Variants in ATF7IP2 observed in about 807,000 individuals in gnomAD.
The protein encoded by ATF7IP2 is activating transcription factor 7 interacting protein 2.
A neutral mutation model predicts 64.2 loss-of-function variants in ATF7IP2; 42 were observed. The ratio of observed to expected loss-of-function variants is 0.65; its 90% CI spans 0.51 to 0.85. The LOEUF (loss-of-function observed/expected upper bound fraction) is 0.85. Among genes scored for constraint, ATF7IP2 ranks in the 40% least tolerant of loss-of-function variants. ATF7IP2 has a pLI of 0.00. For missense variants in ATF7IP2, 933 were observed against 784.2 expected (o/e 1.19, Z -2.27); for synonymous variants, 308 against 272.8 (o/e 1.13, Z -1.27).
At position 10,482,228 on chromosome 16, in the gene ATF7IP2, G is replaced by A. The variant is rs1567184908; in HGVS notation, c.2028G>A (p.Gly676=). The stretch of plus-strand genomic sequence containing the variant: ...TCTGTGATATAAAATCTATCCCTGG[G>A]TTTTCTGAAAATCTTACGTAAAAGG... ...GPFCDIKSIP[G]FSENLT The change falls in exon 14 of 14, where the codon GGG becomes GGA. Residue 676 remains glycine, a synonymous_variant. Coordinates refer to ENST00000562102, the MANE Select transcript of ATF7IP2 (RefSeq NM_001393719.1). The A allele has an allele frequency of 5.1e-6, 8 of 1,583,624 alleles. No homozygotes were observed. Among genetic ancestry groups the A allele is most frequent in the Admixed American group, 1.9e-5 (1 of 51,864 alleles).
At position 10,482,713 on chromosome 16, in the gene ATF7IP2, A is replaced by AAGTT. The variant is rs1246877691; in HGVS notation, c.*466_*469dup. The AAGTT allele has an allele frequency of 6.6e-6, 1 of 152,626 alleles. No homozygotes were observed. The highest frequency in any genetic ancestry group is 2.4e-5 in the African/African-American group (1 of 41,440). 9.5% of individuals were successfully genotyped at this position (152,626 alleles called of 1,614,324 possible). A position where few individuals can be genotyped will look rare whatever the true frequency, so the allele number is the denominator to read the frequency against. On this transcript the variant is annotated 3_prime_UTR_variant, in exon 14 of 14. Coordinates refer to ENST00000562102, the MANE Select transcript of ATF7IP2 (RefSeq NM_001393719.1). ...GATGACATGTTGGGCTGCATGATAA[A>AAGTT]AGTTAATTATAAAAATTAAAAGATT...
intron 1 of ATF7IP2, among the ~76,000 whole-genome samples, chr16:10,409,679 C>G (rs1004140789): frequency 6.6e-6 from 1 of 152,156 alleles, no homozygotes; most frequent in Non-Finnish European, 1.5e-5. Flanking sequence ...CCCGCCTGGG[C>G]CTCCCAAAGT....
chr16:10,453,727 C>T (rs1307479286), intron 8 of ATF7IP2, among the ~76,000 whole-genome samples: 1 of 152,182 alleles, frequency 6.6e-6, no homozygotes, highest in African/African-American at 2.4e-5. Flanking sequence ...AAGCAATTCT[C>T]CTACCTCAGC....
chr16:10,462,878 T>G (rs1196721228), intron 9 of ATF7IP2, among the ~76,000 whole-genome samples: 1 of 152,240 alleles, frequency 6.6e-6, no homozygotes, highest in East Asian at 1.9e-4. Context: ...TACTTTTGTC[T>G]GGATATTTTC....
intron 9 of ATF7IP2, 153 bp from the exon 10 acceptor site, chr16:10,471,957 G>T (rs1486093123): frequency 5.3e-5 from 23 of 433,648 alleles, no homozygotes; most frequent in Non-Finnish European, 9.0e-5. Context: ...AGTTTTTTTG[G>T]GTATTTGGTT....
At chr16:10,402,175 G>T (rs912527205) in intron 1 of ATF7IP2, among the ~76,000 whole-genome samples, 6 of 152,054 alleles carry the variant, frequency 3.9e-5, no homozygotes, top group Admixed American at 6.5e-5. Flanking sequence ...TACAATGTAA[G>T]ATTTTTAATT....
At chr16:10,472,497 GTTTGTTT>G (rs1384938833) in intron 10 of ATF7IP2, among the ~76,000 whole-genome samples, 2 of 151,856 alleles carry the variant, frequency 1.3e-5, no homozygotes, top group African/African-American at 4.8e-5. Context: ...GGTAGTGACG[GTTTGTTT>G]TTTGTCTTCT....
At chr16:10,433,721 C>T (rs2048329369) in intron 6 of ATF7IP2, 72 bp downstream of exon 6, 2 of 1,530,366 alleles carry the variant, frequency 1.3e-6, no homozygotes, top group Non-Finnish European at 9.0e-7. Flanking sequence ...ATTATCTGGT[C>T]CCCACAGTGG....
chr16:10,437,549 C>T (rs2048463689), intron 6 of ATF7IP2, among the ~76,000 whole-genome samples: 1 of 152,166 alleles, frequency 6.6e-6, no homozygotes, highest in South Asian at 2.1e-4. Flanking sequence ...ACTTGTTCAA[C>T]ATTTATTATA....
At position 10,430,767 on chromosome 16, in the gene ATF7IP2, T is replaced by A; in HGVS notation, c.147T>A (p.Gly49=). 1 of 1,610,182 alleles carries A rather than the reference T, an allele frequency of 6.2e-7. No individual in the cohort carries two copies. Among genetic ancestry groups the A allele is most frequent in the South Asian group, 1.1e-5 (1 of 90,746 alleles). The change falls in exon 5 of 14, where the codon GGT becomes GGA. Residue 49 remains glycine (G), a synonymous_variant. Transcript: ENST00000562102. ...CAATTGGGAGTAATGTTCCAAGCGG[T>A]AATCAGAGTTTCAGTCCTAGTGTCA... is the stretch of plus-strand genomic sequence containing the variant. ...KTAIGSNVPS[G]NQSFSPSVIT...
intron 2 of ATF7IP2, among the ~76,000 whole-genome samples, chr16:10,416,752 A>C (rs947807112): frequency 2.0e-5 from 3 of 152,162 alleles, no homozygotes; most frequent in African/African-American, 7.2e-5. Context: ...AGCCAAGATC[A>C]CACCACTGCA....
At chr16:10,469,149 A>G (rs117745767) in intron 9 of ATF7IP2, among the ~76,000 whole-genome samples, 55 of 152,282 alleles carry the variant, frequency 3.6e-4, no homozygotes, top group Non-Finnish European at 6.3e-4. Context: ...AATATGACCT[A>G]TCAACAAGGA....
intron 12 of ATF7IP2, among the ~76,000 whole-genome samples, chr16:10,480,220 C>T (rs1174554832): frequency 6.6e-6 from 1 of 151,892 alleles, no homozygotes; most frequent in African/African-American, 2.4e-5. Context: ...CTCCTGACCT[C>T]AAGTCATCTG....
chr16:10,405,095 G>A (rs1412346270), intron 1 of ATF7IP2, among the ~76,000 whole-genome samples: 4 of 152,078 alleles, frequency 2.6e-5, no homozygotes, highest in Non-Finnish European at 5.9e-5. Flanking sequence ...GGGTGCCGTG[G>A]CTCATGCCTG....
At position 10,461,654 on chromosome 16, in the gene ATF7IP2, G is replaced by A. The variant is rs2049379027; in HGVS notation, c.1352+4125G>A. ...CCATAAAACAAAGTGCATGATTCAG[G>A]GATTCTAAGCTGGATAGTAAATCTA... On this transcript the variant is annotated intron_variant, in intron 9 of 13. Coordinates refer to ENST00000562102, the MANE Select transcript of ATF7IP2 (RefSeq NM_001393719.1). Among the ~76,000 whole-genome samples, 3 of 151,984 alleles carry A rather than the reference G, an allele frequency of 2.0e-5. No homozygotes were observed. The South Asian group carries it at 6.2e-4, about 31-fold the overall frequency.
At chr16:10,390,844 A>G (rs2047307280) in intron 1 of ATF7IP2, among the ~76,000 whole-genome samples, 1 of 152,192 alleles carries the variant, frequency 6.6e-6, no homozygotes, top group African/African-American at 2.4e-5. Context: ...AAGCTGCAAC[A>G]AGAACAGCAA....
chr16:10,482,366 G>C lies in ATF7IP2; in HGVS notation c.*117G>C. On this transcript the variant is annotated 3_prime_UTR_variant, in exon 14 of 14. Transcript: ENST00000562102. ...TCAGATTGTGAGCCCTTTCTATTGGGACAGTCCTCTTCTATATGTTTTAAG... is the reference window on the plus strand; with the variant it reads ...TCAGATTGTGAGCCCTTTCTATTGGCACAGTCCTCTTCTATATGTTTTAAG... 1 of 729,600 alleles carries C rather than the reference G, an allele frequency of 1.4e-6. No homozygotes were observed. The highest frequency in any genetic ancestry group is 1.9e-5 in the South Asian group (1 of 51,924). The allele number at this position is 729,600 out of a possible 1,614,324, so 45.2% of individuals were successfully genotyped here. A position where few individuals can be genotyped will look rare whatever the true frequency, so the allele number is the denominator to read the frequency against.
chr16:10,398,290 C>T (rs1424134427), intron 1 of ATF7IP2, among the ~76,000 whole-genome samples: 1 of 147,218 alleles, frequency 6.8e-6, no homozygotes, highest in African/African-American at 2.6e-5. Context: ...GGCAACAGAG[C>T]AAGACTCCAT....
In ATF7IP2 at chr16:10,473,551, G is replaced by A. The variant is rs562546218; in HGVS notation, c.1482+17G>A. 6 of 1,474,994 alleles carry A rather than the reference G, an allele frequency of 4.1e-6. No homozygotes were observed. In the Admixed American group the frequency reaches 9.3e-5, roughly 23 times the overall value. 91.4% of individuals were successfully genotyped at this position (1,474,994 alleles called of 1,614,324 possible). On this transcript the variant is annotated intron_variant, in intron 11 of 13. Transcript: ENST00000562102. ...GAAGTTATGGTGAGTAATAAATATTGACTCTGAATATTGTTTATTTAAATA... is the reference window on the plus strand; with the variant it reads ...GAAGTTATGGTGAGTAATAAATATTAACTCTGAATATTGTTTATTTAAATA...
Sources: allele counts gnomAD v4.1 joint callset (sites outside exome capture counted in the v4.1 genomes callset), GRCh38; gene constraint gnomAD v4.1.1; transcripts MANE v1.5; gene names NCBI Gene and HGNC (gene_info 2026-07-23, HGNC 2026-07-21).